The following SBF1 variants were observed in gnomAD, a reference collection of about 807,000 sequenced individuals.
SBF1 encodes myotubularin-related protein 5.
A neutral mutation model predicts 215.8 loss-of-function variants in SBF1; 65 were observed. That is an observed-to-expected ratio of 0.30 (90% CI 0.25 to 0.37). SBF1 has a LOEUF of 0.37. SBF1 is among the 10% of genes least tolerant of loss of function. The pLI, the probability that SBF1 is intolerant of heterozygous loss-of-function variation, is 1.00. For synonymous variants in SBF1, 1,410 were observed against 1,122.8 expected (o/e 1.26, Z -5.11); for missense variants, 2,634 against 2,667.8 (o/e 0.99, Z 0.28).
Position 50,457,060 on chromosome 22 carries a change from G to T in SBF1, c.3878C>A (p.Ser1293Ter). 1 of 1,469,116 alleles carries T rather than the reference G, an allele frequency of 6.8e-7. No homozygotes were observed. The highest frequency in any genetic ancestry group is 9.0e-7 in the Non-Finnish European group (1 of 1,116,368). 91.0% of individuals were successfully genotyped at this position (1,469,116 alleles called of 1,614,324 possible). A position where few individuals can be genotyped will look rare whatever the true frequency, so the allele number is the denominator to read the frequency against. ...VTTLSNPMAA[S>*]ASRRTAPRGK... ...TCGGGGTGCGGTCCGTCTGGAGGCC[G>T]AGGCCGCCATGGGGTTGGACAGCGT... Residue 1293 changes from serine (S) to a stop codon, truncating the protein, a stop_gained, in exon 29 of 41, where the codon TCG becomes TAG. Transcript: ENST00000380817. LOFTEE classifies it high-confidence loss of function.
chr22:50,457,702 G>A (rs928025529), intron 28 of SBF1, among the ~76,000 whole-genome samples: 2 of 152,240 alleles, frequency 1.3e-5, no homozygotes, highest in Admixed American at 6.5e-5. Flanking sequence ...CGGTCCAGAC[G>A]ACGTGGCCTG....
rs897987561 is a variant in SBF1 at position 50,445,812 on chromosome 22, A to C, written c.*1330T>G. On this transcript the variant is annotated 3_prime_UTR_variant, in exon 41 of 41. Transcript: ENST00000380817. ...GGGTCCAAGGCCATCCTTGGCTTCA[A>C]CGTCCCACCAGGGGAGGGTCTTGGC... The C allele has an allele frequency of 6.6e-6, 1 of 152,348 alleles. No individual in the cohort carries two copies. The highest frequency in any genetic ancestry group is 2.4e-5 in the African/African-American group (1 of 41,416). 9.4% of individuals were successfully genotyped at this position (152,348 alleles called of 1,614,324 possible).
At chr22:50,468,516 G>T in intron 1 of SBF1, 55 bp from the exon 2 acceptor site, 2 of 1,324,878 alleles carry the variant, frequency 1.5e-6, no homozygotes, top group Non-Finnish European at 2.0e-6. Flanking sequence ...CCCACCAGGA[G>T]GCTTGAGGAT....
Position 50,465,995 on chromosome 22 carries a change from G to A in SBF1, c.977C>T (p.Pro326Leu). Reference sequence around the variant, plus strand: ...CACACTGTGCGTCTGACTCTGCAGTGGCTCTGGCAAGGGTGGAATGTGCAC... The same window carrying A: ...CACACTGTGCGTCTGACTCTGCAGTAGCTCTGGCAAGGGTGGAATGTGCAC... ...ECVHIPPLPEPLQSQTHSVLS... is the reference protein window; with the variant it reads ...ECVHIPPLPELLQSQTHSVLS... The change falls in exon 9 of 41, where the codon CCA becomes CTA. Residue 326 changes from proline to leucine, a missense_variant. Transcript: ENST00000380817. 1.2e-6 allele frequency: 2 copies of A among 1,613,998 alleles called. No individual in the cohort carries two copies. Among genetic ancestry groups the A allele is most frequent in the East Asian group, 4.5e-5 (2 of 44,884 alleles).
chr22:50,456,485 C>CCCACA lies in SBF1; in HGVS notation c.4086+6_4086+7insTGTGG. The CCCACA allele has an allele frequency of 6.6e-7, 1 of 1,524,396 alleles. No individual in the cohort carries two copies. Among genetic ancestry groups the CCCACA allele is most frequent in the Non-Finnish European group, 8.8e-7 (1 of 1,131,080 alleles). 94.4% of individuals were successfully genotyped at this position (1,524,396 alleles called of 1,614,324 possible). A position where few individuals can be genotyped will look rare whatever the true frequency, so the allele number is the denominator to read the frequency against. ...CCCTCACCCCCCACCCCCCGCACCC[C>CCCACA]AGTCACCTTGAGCTGGGCTTTGTCC... On this transcript the variant is annotated splice_region_variant and intron_variant, in intron 30 of 40. Transcript: ENST00000380817.
At chr22:50,465,929 C>A (rs987635822) in intron 9 of SBF1, 32 bp downstream of exon 9, 1 of 1,611,390 alleles carries the variant, frequency 6.2e-7, no homozygotes, top group African/African-American at 1.3e-5. Flanking sequence ...CAAAGGCCCC[C>A]AAGGCTCCCG....
Position 50,447,077 on chromosome 22 carries a change from G to C in SBF1, c.*65C>G, listed in dbSNP as rs921132007. 1 of 1,426,758 alleles carries C rather than the reference G, an allele frequency of 7.0e-7. No individual in the cohort carries two copies. The highest frequency in any genetic ancestry group is 1.4e-5 in the African/African-American group (1 of 70,874). 88.4% of individuals were successfully genotyped at this position (1,426,758 alleles called of 1,614,324 possible). On this transcript the variant is annotated 3_prime_UTR_variant, in exon 41 of 41. Coordinates refer to ENST00000380817, the MANE Select transcript of SBF1 (RefSeq NM_002972.4). The stretch of plus-strand genomic sequence containing the variant: ...CCGGGGCTGTAAACATGGCCGGGGC[G>C]GCCCTGCCCACCCCTAGTGGTCGGT...
rs767231883 is a variant in SBF1, at chr22:50,464,391, G to A, written c.1687C>T (p.Leu563=). 6.2e-7 allele frequency: 1 copy of A among 1,614,110 alleles called. No individual in the cohort carries two copies. The highest frequency in any genetic ancestry group is 8.5e-7 in the Non-Finnish European group (1 of 1,180,026). The part of the protein sequence containing the change: ...SGLHVNSARR[L]EVVRNCISYV... ...GAGATGCAGTTGCGCACAACCTCCAGCCGCCGGGCGCTGTTGACATGCAGC... is the reference window on the plus strand; with the variant it reads ...GAGATGCAGTTGCGCACAACCTCCAACCGCCGGGCGCTGTTGACATGCAGC... Residue 563 remains leucine (L), a synonymous_variant, in exon 15 of 41, where the codon CTG becomes TTG. Coordinates refer to ENST00000380817, the MANE Select transcript of SBF1 (RefSeq NM_002972.4).
intron 28 of SBF1, among the ~76,000 whole-genome samples, chr22:50,458,858 G>A (rs1410479684): frequency 1.3e-5 from 2 of 152,224 alleles, no homozygotes; most frequent in Admixed American, 6.5e-5. Flanking sequence ...GGAGGGTGGA[G>A]TGTGGGGGAT....
rs767704759 is a variant in SBF1, at chr22:50,465,239, C to T, written c.1179G>A (p.Pro393=). Residue 393 remains proline (P), a synonymous_variant, in exon 11 of 41, where the codon CCG becomes CCA. Transcript: ENST00000380817. ...RWCLHVVRIH[P]EPVIRFHKAA... is the part of the protein sequence containing the mutation. The stretch of plus-strand genomic sequence containing the variant: ...CCTTATGGAAGCGGATGACAGGCTC[C>T]GGGTGGATGCGCACGACGTGCAGGC... The T allele has an allele frequency of 1.7e-5, 28 of 1,612,250 alleles. No individual in the cohort carries two copies. Among genetic ancestry groups the T allele is most frequent in the Admixed American group, 8.4e-5 (5 of 59,720 alleles).
At chr22:50,454,179 ACTC>A (rs1469526308) in intron 36 of SBF1, among the ~76,000 whole-genome samples, 2 of 151,968 alleles carry the variant, frequency 1.3e-5, no homozygotes, top group Non-Finnish European at 2.9e-5. Context: ...CTAAGGGCTG[ACTC>A]CTCAACAGGT....
rs776035145 is a variant in SBF1 at position 50,455,280 on chromosome 22, C to T, written c.4498G>A (p.Gly1500Arg). ...ACGGGTGTGAAGCCGCTGCTCTGCC[C>T]GGCCAGGGTGTGAGCTCCACGGTGG... ...FSHRGAHTLA[G>R]QSSGFTPVFL... The change falls in exon 33 of 41, where the codon GGG becomes AGG. Residue 1500 changes from glycine to arginine, a missense_variant. By Grantham distance (125) the Gly-to-Arg change is moderately radical. Coordinates refer to ENST00000380817, the MANE Select transcript of SBF1 (RefSeq NM_002972.4). 3 of 1,613,432 alleles carry T rather than the reference C, an allele frequency of 1.9e-6. No individual in the cohort carries two copies. The highest frequency in any genetic ancestry group is 2.5e-6 in the Non-Finnish European group (3 of 1,179,880).
intron 36 of SBF1, among the ~76,000 whole-genome samples, chr22:50,449,430 G>C (rs1218699740): frequency 6.6e-6 from 1 of 151,988 alleles, no homozygotes; most frequent in Non-Finnish European, 1.5e-5. Context: ...GCCTGGCCAA[G>C]ATGGTGAAAC....
At position 50,445,914 on chromosome 22, in the gene SBF1, C is replaced by G. The variant is rs1332305289; in HGVS notation, c.*1228G>C. ...CCCCTCACCCACACCTGCTGCTCGC[C>G]TCCCACCTGAGAGGACCACCTGAGG... On this transcript the variant is annotated 3_prime_UTR_variant, in exon 41 of 41. Coordinates refer to ENST00000380817, the MANE Select transcript of SBF1 (RefSeq NM_002972.4). 6.5e-6 allele frequency: 1 copy of G among 153,864 alleles called. No individual in the cohort carries two copies. Among genetic ancestry groups the G allele is most frequent in the East Asian group, 1.9e-4 (1 of 5,250 alleles). The allele number at this position is 153,864 out of a possible 1,614,324, so 9.5% of individuals were successfully genotyped here.
intron 36 of SBF1, among the ~76,000 whole-genome samples, chr22:50,452,951 T>C (rs1281586386): frequency 4.7e-5 from 7 of 150,460 alleles, no homozygotes; most frequent in Non-Finnish European, 1.0e-4. Context: ...GTAGACAGAA[T>C]ACTAAAAACA....
intron 7 of SBF1, 45 bp downstream of exon 7, chr22:50,466,305 C>T (rs964445373): frequency 6.2e-7 from 1 of 1,604,912 alleles, no homozygotes; most frequent in African/African-American, 1.3e-5. Context: ...CGCGGCTGGG[C>T]AAAGGGGCCA....
intron 22 of SBF1, 84 bp downstream of exon 22, chr22:50,461,439 A>G: frequency 6.7e-7 from 1 of 1,495,048 alleles, no homozygotes; most frequent in Non-Finnish European, 8.9e-7. Context: ...CCCCGAGAAA[A>G]GGGAGAGGGA....
intron 29 of SBF1, 150 bp from the exon 30 acceptor site, chr22:50,456,823 G>A (rs879838020): frequency 1.4e-4 from 107 of 772,320 alleles, no homozygotes; most frequent in Middle Eastern, 2.9e-4. Context: ...AGGAGGGCTG[G>A]AACACACAGA....
chr22:50,464,569 T>C lies in SBF1; in HGVS notation c.1601A>G (p.Glu534Gly), dbSNP rs2067665560. Residue 534 changes from glutamate to glycine, a missense_variant, in exon 14 of 41, where the codon GAG (glutamate) becomes GGG (glycine). Coordinates refer to ENST00000380817, the MANE Select transcript of SBF1 (RefSeq NM_002972.4). ...MQGAPPAVKA[E>G]RRTTVPSGPP... ...CCCTGAGGGCACGGTGGTCCTCCTC[T>C]CGGCCTTCACAGCTGGGGGTGCACC... The C allele has an allele frequency of 6.2e-7, 1 of 1,612,050 alleles. No individual in the cohort carries two copies. Among genetic ancestry groups the C allele is most frequent in the Non-Finnish European group, 8.5e-7 (1 of 1,179,584 alleles).
Sources: allele counts gnomAD v4.1 joint callset (sites outside exome capture counted in the v4.1 genomes callset), GRCh38; gene constraint gnomAD v4.1.1; transcripts MANE v1.5; gene names NCBI Gene and HGNC (gene_info 2026-07-23, HGNC 2026-07-21).